The following ATP6V1G3 variants were observed in gnomAD, a reference collection of about 807,000 sequenced individuals.
ATP6V1G3 encodes the protein V-type proton ATPase subunit G 3.
ATP6V1G3 carries 9 observed loss-of-function variants against 9.3 expected under a neutral mutation model. The observed-to-expected ratio is 0.97, with a 90% CI of 0.59 to 1.69. The LOEUF is 1.69. Among genes scored for constraint, ATP6V1G3 ranks in the 40% most tolerant of loss-of-function variants. The pLI, the probability that ATP6V1G3 is intolerant of heterozygous loss-of-function variation, is 0.00. For missense variants in ATP6V1G3, 133 were observed against 139.0 expected, an observed-to-expected ratio of 0.96 and a Z score of 0.22; for synonymous variants, 43 against 43.8, an observed-to-expected ratio of 0.98 and a Z score of 0.07.
At chr1:198,523,956 C>G (rs1308346321) in intron 2 of ATP6V1G3, among the ~76,000 whole-genome samples, 2 of 152,058 alleles carry the variant, frequency 1.3e-5, no homozygotes, top group Non-Finnish European at 2.9e-5. Flanking sequence ...TTGAAAGACA[C>G]CATTAAACTC....
At chr1:198,530,538 GAT>G (rs1392175186) in intron 1 of ATP6V1G3, among the ~76,000 whole-genome samples, 6 of 152,170 alleles carry the variant, frequency 3.9e-5, no homozygotes, top group Admixed American at 1.3e-4. Flanking sequence ...ATTCAGAACA[GAT>G]ATTTAGCTCT....
intron 1 of ATP6V1G3, among the ~76,000 whole-genome samples, chr1:198,533,821 T>C (rs1456305732): frequency 4.0e-5 from 6 of 151,864 alleles, no homozygotes; most frequent in Non-Finnish European, 8.8e-5. Context: ...ACCATGAGAG[T>C]AGTGTTCCAA....
At position 198,529,090 on chromosome 1, in the gene ATP6V1G3, T is replaced by C. The variant is rs1659781095; in HGVS notation, c.174A>G (p.Lys58=). Residue 58 remains lysine, a synonymous_variant, in exon 2 of 3, where the codon AAA becomes AAG. Coordinates refer to ENST00000367382, the MANE Select transcript of ATP6V1G3 (RefSeq NM_001376861.1). ...TGACTTTCTTACTCACCTTAGATTG[T>C]TTTAGTCGAAACTCTTTATCTCTCT... ...RMQRDKEFRL[K]QSKIMGSQNN... is the part of the protein sequence containing the mutation. The C allele has an allele frequency of 2.7e-6, 4 of 1,506,062 alleles. No individual in the cohort carries two copies. The highest frequency in any genetic ancestry group is 2.4e-5 in the South Asian group (2 of 84,072). The allele number at this position is 1,506,062 out of a possible 1,614,324, so 93.3% of individuals were successfully genotyped here. A position where few individuals can be genotyped will look rare whatever the true frequency, so the allele number is the denominator to read the frequency against.
chr1:198,524,250 A>G (rs1319201460), intron 2 of ATP6V1G3, among the ~76,000 whole-genome samples: 2 of 151,670 alleles, frequency 1.3e-5, no homozygotes, highest in African/African-American at 2.4e-5. Context: ...TCAGCCTCAC[A>G]AGTAGCTGGG....
At chr1:198,529,435 CT>C (rs1257854597) in intron 1 of ATP6V1G3, among the ~76,000 whole-genome samples, 1 of 151,520 alleles carries the variant, frequency 6.6e-6, no homozygotes, top group Non-Finnish European at 1.5e-5. Context: ...TTATTGGATT[CT>C]TTAGGACACG....
At chr1:198,538,842 A>G (rs1260968456) in intron 1 of ATP6V1G3, among the ~76,000 whole-genome samples, 2 of 148,948 alleles carry the variant, frequency 1.3e-5, no homozygotes, top group Non-Finnish European at 3.0e-5. Context: ...GGTGGCAAGG[A>G]GCCCAGATCA....
intron 1 of ATP6V1G3, among the ~76,000 whole-genome samples, chr1:198,533,791 G>A (rs1660002479): frequency 6.6e-6 from 1 of 152,138 alleles, no homozygotes; most frequent in East Asian, 1.9e-4. Flanking sequence ...TTTAAGGATT[G>A]AGAAGACAAC....
upstream of ATP6V1G3, chr1:198,540,810 A>G (rs1660316918): frequency 1.4e-6 from 1 of 700,458 alleles, no homozygotes; most frequent in African/African-American, 1.8e-5. Context: ...GCTGGGTCCC[A>G]AGGAAAGCCC....
intron 1 of ATP6V1G3, among the ~76,000 whole-genome samples, chr1:198,539,374 A>G (rs1660256385): frequency 6.6e-6 from 1 of 152,196 alleles, no homozygotes; most frequent in Admixed American, 6.5e-5. Context: ...TTTTGAAAAT[A>G]TGGCCCCTGT....
At chr1:198,523,667 A>T (rs1659540221) in intron 2 of ATP6V1G3, 103 bp from the exon 3 acceptor site, 1 of 1,057,318 alleles carries the variant, frequency 9.5e-7, no homozygotes, top group African/African-American at 1.6e-5. Flanking sequence ...ATGCACAATT[A>T]TGTACTCCTT....
At chr1:198,535,884 G>A (rs1397066539) in intron 1 of ATP6V1G3, among the ~76,000 whole-genome samples, 3 of 152,112 alleles carry the variant, frequency 2.0e-5, no homozygotes, top group Non-Finnish European at 4.4e-5. Flanking sequence ...ATACTATTTT[G>A]GGAGAAAGCT....
chr1:198,528,632 G>C lies in ATP6V1G3; in HGVS notation c.183+449C>G, dbSNP rs34212295. Among the ~76,000 whole-genome samples, 383 of 152,116 alleles carry C rather than the reference G, an allele frequency of 2.5e-3. 2 individuals carry two copies. Among genetic ancestry groups the C allele is most frequent in the Non-Finnish European group, 4.3e-3 (295 of 67,976 alleles). ...GGAAATCATCAGGAAATACCAGAAG[G>C]CTTTTCAGAAATTTGCAACAATATC... is the stretch of plus-strand genomic sequence containing the variant. On this transcript the variant is annotated intron_variant, in intron 2 of 2. Coordinates refer to ENST00000367382, the MANE Select transcript of ATP6V1G3 (RefSeq NM_001376861.1).
At chr1:198,530,174 T>G (rs1161667495) in intron 1 of ATP6V1G3, among the ~76,000 whole-genome samples, 1 of 152,172 alleles carries the variant, frequency 6.6e-6, no homozygotes, top group Non-Finnish European at 1.5e-5. Flanking sequence ...AATGCCTCCA[T>G]TCTTTTACCC....
Position 198,529,133 on chromosome 1 carries a change from A to T in ATP6V1G3, c.131T>A (p.Ile44Asn). ...ATCTCTCTGCATTCTGTACTGGTCAATTTCTACCATTGCTTCCTCCTTGGC... is the reference window on the plus strand; with the variant it reads ...ATCTCTCTGCATTCTGTACTGGTCATTTTCTACCATTGCTTCCTCCTTGGC... ...KQAKEEAMVE[I>N]DQYRMQRDKE... The change falls in exon 2 of 3, where the codon ATT becomes AAT. Residue 44 changes from isoleucine (I) to asparagine (N), a missense_variant. Transcript: ENST00000367382. The T allele has an allele frequency of 6.8e-7, 1 of 1,465,310 alleles. No homozygotes were observed. Among genetic ancestry groups the T allele is most frequent in the African/African-American group, 1.4e-5 (1 of 69,460 alleles). 90.8% of individuals were successfully genotyped at this position (1,465,310 alleles called of 1,614,324 possible). A position where few individuals can be genotyped will look rare whatever the true frequency, so the allele number is the denominator to read the frequency against.
chr1:198,537,669 T>C (rs367559526), intron 1 of ATP6V1G3, among the ~76,000 whole-genome samples: 1 of 152,246 alleles, frequency 6.6e-6, no homozygotes, highest in African/African-American at 2.4e-5. Flanking sequence ...ACTAAAATGA[T>C]AACTATCTTT....
chr1:198,538,612 G>A (rs193028139), intron 1 of ATP6V1G3, among the ~76,000 whole-genome samples: 6 of 152,134 alleles, frequency 3.9e-5, no homozygotes, highest in Non-Finnish European at 8.8e-5. Flanking sequence ...TGTTAAAGAA[G>A]TTTTTAAAAA....
chr1:198,540,471 G>A (rs1337212271), intron 1 of ATP6V1G3, 98 bp downstream of exon 1: 1 of 1,320,226 alleles, frequency 7.6e-7, no homozygotes. Flanking sequence ...GTAAACCAAA[G>A]TTTGAAACAA....
chr1:198,527,364 T>C (rs1220647163), intron 2 of ATP6V1G3, among the ~76,000 whole-genome samples: 1 of 152,082 alleles, frequency 6.6e-6, no homozygotes, highest in African/African-American at 2.4e-5. Context: ...TGAGGAGTTT[T>C]GATTATTTAA....
Position 198,537,996 on chromosome 1 carries a change from C to T in ATP6V1G3, c.82+2573G>A, listed in dbSNP as rs562180545. ...TAGCTTTAAGAAAACAGTTTCTATC[C>T]AGTTAAAACTGACCTCAACGCCTGT... On this transcript the variant is annotated intron_variant, in intron 1 of 2. Transcript: ENST00000367382. Among the ~76,000 whole-genome samples the T allele has an allele frequency of 4.0e-4, 61 of 152,230 alleles. 1 individual carries two copies. The South Asian group carries it at 0.013, about 32-fold the overall frequency.
Sources: gnomAD v4.1 joint callset for allele counts (sites outside exome capture counted in the v4.1 genomes callset) on GRCh38, gnomAD v4.1.1 for gene constraint, MANE v1.5 for transcripts, NCBI Gene and HGNC (gene_info 2026-07-23, HGNC 2026-07-21) for gene names.